Variants in CD47 observed in about 807,000 individuals in gnomAD.
CD47 encodes the protein leukocyte surface antigen CD47.
In CD47, 11 loss-of-function variants were observed where a neutral mutation model predicts 44.6. That is an observed-to-expected ratio of 0.25 (90% CI 0.16 to 0.41). CD47 has a LOEUF of 0.41. Among genes scored for constraint, CD47 ranks in the 10% least tolerant of loss-of-function variants. The pLI is 1.00. For missense variants in CD47, 306 were observed against 386.7 expected (o/e 0.79, Z 1.75); for synonymous variants, 140 against 136.3 (o/e 1.03, Z -0.19).
Position 108,049,612 on chromosome 3 carries a change from T to C in CD47, c.967+7A>G. 1.3e-6 allele frequency: 2 copies of C among 1,551,356 alleles called. No homozygotes were observed. The highest frequency in any genetic ancestry group is 1.8e-6 in the Non-Finnish European group (2 of 1,123,130). ...ATCTATAATTATTAAGTGCATTTTA[T>C]ACTTACCATCATTCATCATTCCTTT... On this transcript the variant is annotated splice_region_variant and intron_variant, in intron 10 of 10. Transcript: ENST00000361309.
chr3:108,058,387 T>C lies in CD47; in HGVS notation c.734A>G (p.Gln245Arg), dbSNP rs1360606100. Residue 245 changes from glutamine (Q) to arginine (R), a missense_variant, in exon 6 of 11, where the codon CAG (glutamine) becomes CGG (arginine). Gln to Arg is a conservative substitution (Grantham distance 43). Coordinates refer to ENST00000361309, the MANE Select transcript of CD47 (RefSeq NM_001777.4). ...TSFVIAILVI[Q>R]VIAYILAVVG... ...CACAGCGAGGATATAGGCTATCACC[T>C]GAATAACCAATATGGCAATGACGAA... is the stretch of plus-strand genomic sequence containing the variant. 6.4e-7 allele frequency: 1 copy of C among 1,567,970 alleles called. No homozygotes were observed.
chr3:108,079,594 A>AC (rs1471665725), intron 2 of CD47, among the ~76,000 whole-genome samples: 2 of 146,332 alleles, frequency 1.4e-5, no homozygotes, highest in Non-Finnish European at 3.0e-5. Context: ...AAAAAAAAAA[A>AC]ACACAAAAAA....
intron 1 of CD47, among the ~76,000 whole-genome samples, chr3:108,090,616 T>TGGAGGAGATGAGCCCCG (rs138812759): frequency 0.049 from 7,370 of 151,938 alleles, 299 homozygotes; most frequent in East Asian, 0.23. Context: ...GAGAACCGGG[T>TGGAGGAGATGAGCCCCG]GGAGGAGATG....
intron 8 of CD47, 184 bp from the exon 9 acceptor site, chr3:108,050,786 G>C (rs758811870): frequency 1.8e-5 from 9 of 496,450 alleles, no homozygotes; most frequent in Non-Finnish European, 3.4e-5. Flanking sequence ...TGCCAAGTCG[G>C]GTTAATAGTT....
chr3:108,082,721 T>C (rs2079442476), intron 1 of CD47, among the ~76,000 whole-genome samples: 1 of 150,386 alleles, frequency 6.6e-6, no homozygotes, highest in Non-Finnish European at 1.5e-5. Context: ...TTTCATAACA[T>C]ATGTTTAGAG....
Position 108,045,500 on chromosome 3 carries a change from T to C in CD47, c.*1788A>G, listed in dbSNP as rs1429614185. 2 of 152,570 alleles carry C rather than the reference T, an allele frequency of 1.3e-5. No individual in the cohort carries two copies. Among genetic ancestry groups the C allele is most frequent in the African/African-American group, 4.8e-5 (2 of 41,432 alleles). The allele number at this position is 152,570 out of a possible 1,614,324, so 9.5% of individuals were successfully genotyped here. ...GGACAGCTACACAATCAAGGAAGAATATACATGTGTGTATATACATACGTA... is the reference window on the plus strand; with the variant it reads ...GGACAGCTACACAATCAAGGAAGAACATACATGTGTGTATATACATACGTA... On this transcript the variant is annotated 3_prime_UTR_variant, in exon 11 of 11. Coordinates refer to ENST00000361309, the MANE Select transcript of CD47 (RefSeq NM_001777.4).
intron 1 of CD47, among the ~76,000 whole-genome samples, chr3:108,088,872 T>C (rs910983216): frequency 1.2e-4 from 18 of 152,194 alleles, no homozygotes; most frequent in African/African-American, 4.1e-4. Context: ...ATGAAATGAG[T>C]ATCTGAGATA....
At position 108,046,440 on chromosome 3, in the gene CD47, G is replaced by C. The variant is rs1344667942; in HGVS notation, c.*848C>G. On this transcript the variant is annotated 3_prime_UTR_variant, in exon 11 of 11. Coordinates refer to ENST00000361309, the MANE Select transcript of CD47 (RefSeq NM_001777.4). ...ATTTTTGCTGAAAAGTGTGAACACA[G>C]TGCTCTGAGAACAAGTCTGGCTCCT... The C allele has an allele frequency of 6.6e-6, 1 of 152,632 alleles. No homozygotes were observed. The highest frequency in any genetic ancestry group is 6.5e-5 in the Admixed American group (1 of 15,270). The allele number at this position is 152,632 out of a possible 1,614,324, so 9.5% of individuals were successfully genotyped here. A position where few individuals can be genotyped will look rare whatever the true frequency, so the allele number is the denominator to read the frequency against.
chr3:108,055,682 G>GTA (rs2078902202), intron 7 of CD47: 1 of 487,082 alleles, frequency 2.1e-6, no homozygotes. Context: ...TTAGCATATA[G>GTA]TATACTTATA....
intron 7 of CD47, among the ~76,000 whole-genome samples, chr3:108,055,086 A>C (rs1283908850): frequency 6.6e-6 from 1 of 152,186 alleles, no homozygotes; most frequent in Non-Finnish European, 1.5e-5. Flanking sequence ...AAAAAATACA[A>C]CACAGTTTAA....
chr3:108,059,395 T>A (rs1482904020), intron 5 of CD47, 57 bp downstream of exon 5: 1 of 814,930 alleles, frequency 1.2e-6, no homozygotes, highest in Non-Finnish European at 1.9e-6. Flanking sequence ...TCACCAAAAC[T>A]GCTGTTTTGT....
intron 1 of CD47, among the ~76,000 whole-genome samples, chr3:108,081,076 T>C (rs2079409226): frequency 6.6e-6 from 1 of 151,914 alleles, no homozygotes; most frequent in Non-Finnish European, 1.5e-5. Context: ...TCCAAATGTA[T>C]ATTATGGGTA....
chr3:108,083,494 T>C (rs2079456391), intron 1 of CD47, among the ~76,000 whole-genome samples: 1 of 152,068 alleles, frequency 6.6e-6, no homozygotes, highest in African/African-American at 2.4e-5. Context: ...AATATAGTTA[T>C]TATCTTTTAG....
intron 1 of CD47, among the ~76,000 whole-genome samples, chr3:108,087,681 C>T (rs1219104997): frequency 6.6e-6 from 1 of 152,138 alleles, no homozygotes; most frequent in Admixed American, 6.5e-5. Flanking sequence ...TTTTAACCTA[C>T]AAGTGTGATA....
chr3:108,056,017 C>T (rs1410384753), intron 7 of CD47, among the ~76,000 whole-genome samples: 1 of 152,176 alleles, frequency 6.6e-6, no homozygotes, highest in East Asian at 1.9e-4. Flanking sequence ...TGCCCGTCAG[C>T]CAAAGGTATC....
At chr3:108,075,552 A>T (rs1189059418) in intron 2 of CD47, among the ~76,000 whole-genome samples, 1 of 152,154 alleles carries the variant, frequency 6.6e-6, no homozygotes, top group Non-Finnish European at 1.5e-5. Context: ...TGATGTGTCG[A>T]CTTGCTAGGC....
intron 10 of CD47, among the ~76,000 whole-genome samples, chr3:108,048,453 T>C (rs1345766149): frequency 7.0e-6 from 1 of 141,926 alleles, no homozygotes; most frequent in Non-Finnish European, 1.5e-5. Context: ...GGCACGATCT[T>C]GGCTCACTGC....
intron 1 of CD47, among the ~76,000 whole-genome samples, chr3:108,083,441 T>G (rs1449344089): frequency 6.6e-6 from 1 of 152,038 alleles, no homozygotes; most frequent in Non-Finnish European, 1.5e-5. Flanking sequence ...GAATTACCTG[T>G]GATGAAATAT....
chr3:108,081,605 C>T lies in CD47; in HGVS notation c.47-1261G>A, dbSNP rs892648747. Among the ~76,000 whole-genome samples, 5 of 151,820 alleles carry T rather than the reference C, an allele frequency of 3.3e-5. No individual in the cohort carries two copies. In the East Asian group the frequency reaches 7.7e-4, roughly 23 times the overall value. Reference sequence around the variant, plus strand: ...CCTGAGTAAAAATACTATTTCTGCCCCTTTTTAATATGCTGCCTTAAGCAA... The same window carrying T: ...CCTGAGTAAAAATACTATTTCTGCCTCTTTTTAATATGCTGCCTTAAGCAA... On this transcript the variant is annotated intron_variant, in intron 1 of 10. Coordinates refer to ENST00000361309, the MANE Select transcript of CD47 (RefSeq NM_001777.4).
Sources: gnomAD v4.1 joint callset for allele counts (sites outside exome capture counted in the v4.1 genomes callset) on GRCh38, gnomAD v4.1.1 for gene constraint, MANE v1.5 for transcripts, NCBI Gene and HGNC (gene_info 2026-07-23, HGNC 2026-07-21) for gene names.